Variants in HJURP observed in about 807,000 individuals in gnomAD.
The protein encoded by HJURP is 14-3-3-associated AKT substrate.
A neutral mutation model predicts 72.0 loss-of-function variants in HJURP; 49 were observed. That is an observed-to-expected ratio of 0.68 (90% CI 0.54 to 0.86). The LOEUF is 0.86. Among genes scored for constraint, HJURP ranks in the 40% least tolerant of loss-of-function variants. The pLI, the probability that HJURP is intolerant of heterozygous loss-of-function variation, is 0.00. For synonymous variants in HJURP, 357 were observed against 347.1 expected, an observed-to-expected ratio of 1.03 and a Z score of -0.32; for missense variants, 908 against 936.3, an observed-to-expected ratio of 0.97 and a Z score of 0.39.
chr2:233,853,187 A>C (rs1705537068), intron 2 of HJURP, among the ~76,000 whole-genome samples: 1 of 152,226 alleles, frequency 6.6e-6, no homozygotes, highest in Non-Finnish European at 1.5e-5. Flanking sequence ...GTTTAATGCA[A>C]CATAGAACTT....
intron 8 of HJURP, among the ~76,000 whole-genome samples, 162 bp downstream of exon 8, chr2:233,840,447 A>G (rs2124959987): frequency 6.6e-6 from 1 of 152,352 alleles, no homozygotes; most frequent in East Asian, 1.9e-4. Flanking sequence ...CTGACTTTAC[A>G]GGAAGGAAAA....
At chr2:233,854,245 T>G in intron 1 of HJURP, 139 bp downstream of exon 1, 1 of 624,154 alleles carries the variant, frequency 1.6e-6, no homozygotes, top group East Asian at 2.9e-5. Flanking sequence ...CCACCTTCTC[T>G]CCGCATCCAA....
intron 6 of HJURP, among the ~76,000 whole-genome samples, chr2:233,844,998 C>T (rs1032949205): frequency 2.0e-5 from 3 of 149,956 alleles, no homozygotes; most frequent in East Asian, 2.0e-4. Context: ...TCTCAGCAGG[C>T]GGGACAGGTG....
intron 6 of HJURP, among the ~76,000 whole-genome samples, chr2:233,844,969 C>T (rs1705322007): frequency 6.8e-6 from 1 of 147,026 alleles, no homozygotes. Context: ...CATCACATCC[C>T]CCCCCTCCCA....
At position 233,837,458 on chromosome 2, in the gene HJURP, ATAT is replaced by A. The variant is rs66812989; in HGVS notation, c.*116_*118del. 0.073 allele frequency: 51,985 copies of A among 710,736 alleles called. 2,139 individuals carry two copies. Among genetic ancestry groups the A allele is most frequent in the East Asian group, 0.13 (5,299 of 39,368 alleles). 44.0% of individuals were successfully genotyped at this position (710,736 alleles called of 1,614,324 possible). A position where few individuals can be genotyped will look rare whatever the true frequency, so the allele number is the denominator to read the frequency against. ...ATCTCTGATGGAACCAATTTCACTA[ATAT>A]TTACTTTAAGGGCAGAGAAGTCAAC... On this transcript the variant is annotated 3_prime_UTR_variant, in exon 9 of 9. Transcript: ENST00000411486.
In HJURP at chr2:233,838,209, TGTTTATATTGTG is replaced by T. The variant is rs1264115973; in HGVS notation, c.2172-569_2172-558del. Among the ~76,000 whole-genome samples the T allele has an allele frequency of 5.3e-5, 8 of 152,316 alleles. No homozygotes were observed. The East Asian group carries it at 1.5e-3, about 29-fold the overall frequency. On this transcript the variant is annotated intron_variant, in intron 8 of 8. Transcript: ENST00000411486. ...AAAAACATAGGAAACCAGTTAAACA[TGTTTATATTGTG>T]GTTTAAAATGAAACCTGGGGTGTTC...
rs1170681330 is a variant in HJURP, at chr2:233,841,852, AAT to A, written c.926_927del (p.Tyr309LeufsTer20). The A allele has an allele frequency of 1.9e-6, 3 of 1,614,140 alleles. No homozygotes were observed. The highest frequency in any genetic ancestry group is 2.2e-5 in the East Asian group (1 of 44,890). ...HRYKSRMNKT[Y>X]CKGARRSQRS... ...CTCTGAGAACGTCTGGCTCCTTTGCAATATGTTTTGTTCATCCTGCTCTTATA... is the reference window on the plus strand; with the variant it reads ...CTCTGAGAACGTCTGGCTCCTTTGCAATGTTTTGTTCATCCTGCTCTTATA... On this transcript the variant is annotated frameshift_variant, in exon 8 of 9. Transcript: ENST00000411486. LOFTEE classifies it high-confidence loss of function.
intron 6 of HJURP, among the ~76,000 whole-genome samples, chr2:233,845,255 G>A (rs555881261): frequency 2.0e-5 from 3 of 152,008 alleles, no homozygotes; most frequent in African/African-American, 7.2e-5. Flanking sequence ...GGGTTCAAGC[G>A]ATTATCCTGC....
intron 8 of HJURP, among the ~76,000 whole-genome samples, chr2:233,838,376 T>A (rs1705132553): frequency 6.6e-6 from 1 of 152,092 alleles, no homozygotes; most frequent in Non-Finnish European, 1.5e-5. Context: ...AGGTCCCTCC[T>A]GTGTGGCTGG....
chr2:233,845,600 G>C, intron 6 of HJURP, 128 bp downstream of exon 6: 2 of 615,518 alleles, frequency 3.2e-6, no homozygotes, highest in Non-Finnish European at 5.7e-6. Context: ...AAAACAATTT[G>C]GAAATCATTA....
At chr2:233,851,293 A>G (rs1223229563) in intron 3 of HJURP, among the ~76,000 whole-genome samples, 2 of 152,210 alleles carry the variant, frequency 1.3e-5, no homozygotes, top group African/African-American at 4.8e-5. Flanking sequence ...GGGAAGAGAC[A>G]AGGACCGGGA....
intron 7 of HJURP, among the ~76,000 whole-genome samples, chr2:233,842,800 G>A (rs1015010374): frequency 6.6e-6 from 1 of 152,248 alleles, no homozygotes; most frequent in Non-Finnish European, 1.5e-5. Flanking sequence ...GTGGTAGCAG[G>A]TGCTGCAATG....
In HJURP at chr2:233,841,082, A is replaced by T. The variant is rs1398137999; in HGVS notation, c.1698T>A (p.Asp566Glu). 6.2e-7 allele frequency: 1 copy of T among 1,614,002 alleles called. No homozygotes were observed. Among genetic ancestry groups the T allele is most frequent in the Non-Finnish European group, 8.5e-7 (1 of 1,180,022 alleles). ...TCCTTCCGTGGCCTGGCACTTCTTT[A>T]TCTGGGACTGAAAGAGTTTTGCTGG... ...VSPSKTLSVP[D>E]KEVPGHGRNR... The change falls in exon 8 of 9, where the codon GAT (aspartate) becomes GAA (glutamate). Residue 566 changes from aspartate (D) to glutamate (E), a missense_variant. By Grantham distance (45) the Asp-to-Glu change is conservative. This residue lies in a region of HJURP where 598 missense variants were observed against 619.5 expected (regional missense o/e 0.97). Transcript: ENST00000411486.
Position 233,840,901 on chromosome 2 carries a change from A to G in HJURP, c.1879T>C (p.Leu627=). Residue 627 remains leucine (L), a synonymous_variant, in exon 8 of 9, where the codon TTA becomes CTA. Coordinates refer to ENST00000411486, the MANE Select transcript of HJURP (RefSeq NM_018410.5). Reference sequence around the variant, plus strand: ...CCCTGGAAGTGAGGGTCTGGATTTAATTTTCCTAAGAAGCCTTCTGTTTGA... The same window carrying G: ...CCCTGGAAGTGAGGGTCTGGATTTAGTTTTCCTAAGAAGCCTTCTGTTTGA... ...RYQTEGFLGK[L]NPDPHFQGFQ... 2 of 1,614,006 alleles carry G rather than the reference A, an allele frequency of 1.2e-6. No homozygotes were observed. The highest frequency in any genetic ancestry group is 1.1e-5 in the South Asian group (1 of 91,066).
chr2:233,847,545 G>A (rs931631999), intron 4 of HJURP, 84 bp from the exon 5 acceptor site: 30 of 1,139,224 alleles, frequency 2.6e-5, no homozygotes, highest in Middle Eastern at 1.9e-4. Flanking sequence ...GCATCACTTC[G>A]AGTAAGTTGT....
At chr2:233,853,803 A>T (rs768667955) in intron 2 of HJURP, 41 bp downstream of exon 2, 1 of 1,529,044 alleles carries the variant, frequency 6.5e-7, no homozygotes. Flanking sequence ...CTCCATTCAC[A>T]CTCTTCACCC....
intron 6 of HJURP, 105 bp downstream of exon 6, chr2:233,845,623 T>G (rs1705342417): frequency 2.9e-6 from 2 of 698,998 alleles, no homozygotes; most frequent in East Asian, 2.7e-5. Flanking sequence ...TCAAATGCTC[T>G]TTATGGGTTC....
rs552308246 is a variant in HJURP, at chr2:233,842,054, G to A, written c.726C>T (p.Ser242=). The A allele has an allele frequency of 8.1e-6, 13 of 1,614,206 alleles. No homozygotes were observed. The South Asian group carries it at 9.9e-5, about 12-fold the overall frequency. ...DSLSLQETSS[S]SFLSSQPFED... ...CAAAGGGCTGGCTGCTTAAGAAGCT[G>A]CTGCTACTGGTCTCTTGTAGGGAGA... Residue 242 remains serine, a synonymous_variant, in exon 8 of 9, where the codon AGC becomes AGT. Transcript: ENST00000411486.
At chr2:233,845,887 A>G in intron 5 of HJURP, 67 bp from the exon 6 acceptor site, 1 of 980,102 alleles carries the variant, frequency 1.0e-6, no homozygotes, top group South Asian at 1.3e-5. Context: ...TGGCTTCTGG[A>G]ACAAACTGGC....
Sources: gnomAD v4.1 joint callset for allele counts (sites outside exome capture counted in the v4.1 genomes callset) on GRCh38, gnomAD v4.1.1 for gene constraint, gnomAD v4.1.1 regional missense constraint, MANE v1.5 for transcripts, NCBI Gene and HGNC (gene_info 2026-07-23, HGNC 2026-07-21) for gene names.